Variants in CDX1 observed in about 807,000 individuals in gnomAD.
CDX1 encodes caudal type homeobox 1, also known as homeobox protein CDX-1.
A neutral mutation model predicts 16.9 loss-of-function variants in CDX1; 9 were observed. The ratio of observed to expected loss-of-function variants is 0.53; its 90% CI spans 0.32 to 0.93. The LOEUF (loss-of-function observed/expected upper bound fraction) is 0.93, where lower values mean the gene tolerates loss of function less well. Ranked by LOEUF, CDX1 falls within the 40% of genes least tolerant of loss-of-function variation. The probability of loss-of-function intolerance (pLI) is 0.04; values close to 1 mark genes in which losing one functional copy is unlikely to be tolerated. For missense variants in CDX1, 393 were observed against 386.1 expected (o/e 1.02, Z -0.15); for synonymous variants, 179 against 179.0 (o/e 1.00, Z 0.00).
At chr5:150,178,318 T>A (rs1051174651) in intron 1 of CDX1, among the ~76,000 whole-genome samples, 8 of 152,184 alleles carry the variant, frequency 5.3e-5, no homozygotes, top group African/African-American at 1.9e-4. Flanking sequence ...CCCTCTGTGC[T>A]CACCCCTGAA....
intron 1 of CDX1, among the ~76,000 whole-genome samples, chr5:150,180,023 A>G (rs1580841144): frequency 6.6e-6 from 1 of 152,216 alleles, no homozygotes; most frequent in African/African-American, 2.4e-5. Context: ...GGAAGGGCTC[A>G]CCAGGCCTCT....
chr5:150,169,016 C>CTG (rs1761470789), intron 1 of CDX1, among the ~76,000 whole-genome samples: 1 of 152,172 alleles, frequency 6.6e-6, no homozygotes, highest in South Asian at 2.1e-4. Context: ...CAGGATCCTG[C>CTG]AGTTCCCAGT....
chr5:150,183,172 G>A (rs113503023), intron 2 of CDX1, among the ~76,000 whole-genome samples: 1 of 152,292 alleles, frequency 6.6e-6, no homozygotes, highest in South Asian at 2.1e-4. Flanking sequence ...TGTAGGAGGT[G>A]CACGTGCTAT....
chr5:150,170,525 G>T (rs1761490566), intron 1 of CDX1, among the ~76,000 whole-genome samples: 1 of 152,258 alleles, frequency 6.6e-6, no homozygotes, highest in South Asian at 2.1e-4. Flanking sequence ...GAACAGGGGA[G>T]TGGGTGAGAT....
rs370020614 is a variant in CDX1, at chr5:150,183,556, C to G, written c.674C>G (p.Pro225Arg). The G allele has an allele frequency of 2.1e-5, 34 of 1,612,478 alleles. No individual in the cohort carries two copies. The highest frequency in any genetic ancestry group is 2.8e-5 in the Non-Finnish European group (33 of 1,178,992). Reference sequence around the variant, plus strand: ...CAGCAGCAGCAACAGCCCCCACAGCCGCCGATGGCCCACGACATCACGGCC... The same window carrying G: ...CAGCAGCAGCAACAGCCCCCACAGCGGCCGATGGCCCACGACATCACGGCC... ...KKQQQQQPPQPPMAHDITATP... is the reference protein window; with the variant it reads ...KKQQQQQPPQRPMAHDITATP... Residue 225 changes from proline to arginine, a missense_variant, in exon 3 of 3, where the codon CCG becomes CGG. Coordinates refer to ENST00000231656, the MANE Select transcript of CDX1 (RefSeq NM_001804.3).
At chr5:150,169,971 A>G (rs1284952089) in intron 1 of CDX1, among the ~76,000 whole-genome samples, 2 of 152,246 alleles carry the variant, frequency 1.3e-5, no homozygotes, top group Non-Finnish European at 2.9e-5. Context: ...ATGGTTTCCC[A>G]TCATATGTAG....
At chr5:150,178,812 CA>C (rs1761603369) in intron 1 of CDX1, among the ~76,000 whole-genome samples, 1 of 152,156 alleles carries the variant, frequency 6.6e-6, no homozygotes. Flanking sequence ...CATTTTTATA[CA>C]CAAATGGTAA....
At chr5:150,172,537 C>T (rs1003275470) in intron 1 of CDX1, among the ~76,000 whole-genome samples, 1 of 152,138 alleles carries the variant, frequency 6.6e-6, no homozygotes, top group Non-Finnish European at 1.5e-5. Context: ...GTCTACAGCC[C>T]AGCAATCGTC....
chr5:150,170,034 G>A (rs191850928), intron 1 of CDX1, among the ~76,000 whole-genome samples: 1 of 152,304 alleles, frequency 6.6e-6, no homozygotes, highest in East Asian at 1.9e-4. Context: ...ATTTGCACCT[G>A]CCTGCCTCCC....
At chr5:150,172,619 G>A (rs1236506222) in intron 1 of CDX1, among the ~76,000 whole-genome samples, 1 of 152,146 alleles carries the variant, frequency 6.6e-6, no homozygotes, top group Non-Finnish European at 1.5e-5. Context: ...CAGCCAGGTT[G>A]GGGGGAAAGG....
Position 150,182,909 on chromosome 5 carries a change from G to T in CDX1, c.587G>T (p.Arg196Leu), listed in dbSNP as rs769319816. ...GCTGCCAATCTGGGGCTCACTGAACGGCAGGTGTGTCTGTCTTCCTATCTC... is the reference window on the plus strand; with the variant it reads ...GCTGCCAATCTGGGGCTCACTGAACTGCAGGTGTGTCTGTCTTCCTATCTC... ...ELAANLGLTE[R>L]QVKIWFQNRR... Residue 196 changes from arginine to leucine, a missense_variant, in exon 2 of 3, where the codon CGG (arginine) becomes CTG (leucine). Transcript: ENST00000231656. 6.2e-7 allele frequency: 1 copy of T among 1,605,320 alleles called. No individual in the cohort carries two copies. Among genetic ancestry groups the T allele is most frequent in the South Asian group, 1.1e-5 (1 of 89,128 alleles).
intron 1 of CDX1, among the ~76,000 whole-genome samples, chr5:150,175,283 T>C (rs1338048778): frequency 1.3e-5 from 2 of 152,208 alleles, no homozygotes; most frequent in Non-Finnish European, 2.9e-5. Context: ...CACTGGCACA[T>C]GGCCAGACTG....
intron 1 of CDX1, among the ~76,000 whole-genome samples, chr5:150,181,506 A>T (rs1170214123): frequency 6.6e-6 from 1 of 152,006 alleles, no homozygotes; most frequent in Non-Finnish European, 1.5e-5. Flanking sequence ...TGAACCCCTG[A>T]CCTCACGTGA....
intron 1 of CDX1, among the ~76,000 whole-genome samples, chr5:150,175,829 C>T (rs1034107829): frequency 6.6e-6 from 1 of 152,228 alleles, no homozygotes; most frequent in African/African-American, 2.4e-5. Flanking sequence ...GTTCTTGGCC[C>T]TATGGCTCCC....
intron 2 of CDX1, 134 bp from the exon 3 acceptor site, chr5:150,183,340 G>A (rs1752493727): frequency 5.4e-6 from 4 of 744,592 alleles, no homozygotes; most frequent in Non-Finnish European, 6.4e-6. Context: ...CATGTGGTCT[G>A]GGAGGCTGGA....
rs115362001 is a variant in CDX1, at chr5:150,175,391, G to T, written c.446-7377G>T. On this transcript the variant is annotated intron_variant, in intron 1 of 2. Coordinates refer to ENST00000231656, the MANE Select transcript of CDX1 (RefSeq NM_001804.3). ...TGTGGACCTTGATGAAGAAGATAGGGCAGCAGATGATGCAAAGGTGGCCCT... is the reference window on the plus strand; with the variant it reads ...TGTGGACCTTGATGAAGAAGATAGGTCAGCAGATGATGCAAAGGTGGCCCT... Among the ~76,000 whole-genome samples the T allele has an allele frequency of 2.0e-3, 298 of 152,296 alleles. 2 individuals carry two copies. The highest frequency in any genetic ancestry group is 6.8e-3 in the African/African-American group (284 of 41,556).
At position 150,182,749 on chromosome 5, in the gene CDX1, G is replaced by A. The variant is rs770039074; in HGVS notation, c.446-19G>A. ...CTCCTCTCAACTCACCTTCCTTCCC[G>A]GCTCCTTCTGCTTCTCAGGTAAGAC... is the stretch of plus-strand genomic sequence containing the variant. On this transcript the variant is annotated intron_variant, in intron 1 of 2. Coordinates refer to ENST00000231656, the MANE Select transcript of CDX1 (RefSeq NM_001804.3). The A allele has an allele frequency of 1.9e-6, 3 of 1,539,284 alleles. No individual in the cohort carries two copies. Among genetic ancestry groups the A allele is most frequent in the East Asian group, 2.4e-5 (1 of 40,968 alleles).
chr5:150,170,766 A>G lies in CDX1; in HGVS notation c.445+3445A>G, dbSNP rs143586439. ...ATGAGAGAGAGGCTGTTGGGCTTCAATCAGTCTCCGATTCCAAAAGACAAT... is the reference window on the plus strand; with the variant it reads ...ATGAGAGAGAGGCTGTTGGGCTTCAGTCAGTCTCCGATTCCAAAAGACAAT... On this transcript the variant is annotated intron_variant, in intron 1 of 2. Transcript: ENST00000231656. Among the ~76,000 whole-genome samples, 1,152 of 152,342 alleles carry G rather than the reference A, an allele frequency of 7.6e-3. 23 individuals are homozygous for G. The highest frequency in any genetic ancestry group is 0.026 in the African/African-American group (1,093 of 41,582).
At chr5:150,178,711 C>A (rs1210181139) in intron 1 of CDX1, among the ~76,000 whole-genome samples, 1 of 152,206 alleles carries the variant, frequency 6.6e-6, no homozygotes, top group Non-Finnish European at 1.5e-5. Flanking sequence ...GCTTTCCAAC[C>A]TCCAGTGCCC....
Sources: allele counts gnomAD v4.1 joint callset (sites outside exome capture counted in the v4.1 genomes callset), GRCh38; gene constraint gnomAD v4.1.1; transcripts MANE v1.5; gene names NCBI Gene and HGNC (gene_info 2026-07-23, HGNC 2026-07-21).